The following PRH1 variants were observed in gnomAD, a reference collection of about 807,000 sequenced individuals.
PRH1 encodes the protein salivary acidic proline-rich phosphoprotein 1/2.
PRH1 carries 7 observed loss-of-function variants against 7.9 expected under a neutral mutation model. The observed-to-expected ratio is 0.89, with a 90% confidence interval of 0.50 to 1.67. PRH1 has a LOEUF of 1.67. PRH1 is among the 40% of genes most tolerant of loss of function. PRH1 has a pLI of 0.00. For synonymous variants in PRH1, 45 were observed against 80.8 expected (o/e 0.56, Z 2.38); for missense variants, 109 against 223.6 (o/e 0.49, Z 3.27).
chr12:11,009,243 T>G (rs1940964862), intron 1 of PRH1, among the ~76,000 whole-genome samples: 1 of 151,944 alleles, frequency 6.6e-6, no homozygotes, highest in Admixed American at 6.6e-5. Context: ...ATTCCCGCTT[T>G]CATATTTTCT....
chr12:10,946,902 A>C (rs1950496170), intron 2 of PRH1, among the ~76,000 whole-genome samples: 2 of 152,178 alleles, frequency 1.3e-5, no homozygotes, highest in South Asian at 4.1e-4. Context: ...AAAGTCATCC[A>C]GGAGCATGAT....
At chr12:11,136,559 C>T (rs1409787801) in intron 1 of PRH1, among the ~76,000 whole-genome samples, 1 of 152,124 alleles carries the variant, frequency 6.6e-6, no homozygotes, top group Non-Finnish European at 1.5e-5. Context: ...TAAATTTACT[C>T]CTGTCACCTT....
upstream of PRH1, chr12:10,884,316 C>T: frequency 6.6e-7 from 1 of 1,522,768 alleles, no homozygotes; most frequent in Non-Finnish European, 9.1e-7. Context: ...TTTGAGCTCC[C>T]TACCAGGTGG....
intron 2 of PRH1, among the ~76,000 whole-genome samples, chr12:10,942,677 C>G (rs1387502511): frequency 6.6e-6 from 1 of 152,194 alleles, no homozygotes. Context: ...CTTCCCCTGC[C>G]TATTTAGTCT....
intron 2 of PRH1, among the ~76,000 whole-genome samples, chr12:10,972,932 A>AACCCCCCCCCCC (rs1938893473): frequency 1.3e-5 from 1 of 79,026 alleles, no homozygotes; most frequent in Non-Finnish European, 2.6e-5. Context: ...ACCACAACCC[A>AACCCCCCCCCCC]CCCCCCCCGC....
intron 1 of PRH1, among the ~76,000 whole-genome samples, chr12:11,161,025 T>C (rs1327583840): frequency 6.6e-6 from 1 of 152,170 alleles, no homozygotes; most frequent in African/African-American, 2.4e-5. Context: ...ACAGATGCAA[T>C]GTGACTAAAA....
At chr12:11,079,486 A>G (rs1163307481) in intron 1 of PRH1, among the ~76,000 whole-genome samples, 2 of 118,572 alleles carry the variant, frequency 1.7e-5, no homozygotes, top group African/African-American at 2.8e-5. Context: ...TCCAGTCACC[A>G]GAGCCATCCA....
intron 2 of PRH1, among the ~76,000 whole-genome samples, chr12:10,944,318 G>T (rs1281009493): frequency 6.6e-6 from 1 of 151,970 alleles, no homozygotes; most frequent in Non-Finnish European, 1.5e-5. Context: ...GTATTCCTAG[G>T]TATTTTTTGT....
intron 2 of PRH1, chr12:10,929,137 C>A: frequency 9.7e-7 from 1 of 1,030,178 alleles, no homozygotes; most frequent in Non-Finnish European, 1.5e-6. Context: ...GTAAGCAAAG[C>A]AGAACCCAGT....
At chr12:11,132,853 T>C (rs1946403495) in intron 1 of PRH1, 1 of 146,384 alleles carries the variant, frequency 6.8e-6, no homozygotes, top group Admixed American at 7.1e-5. Context: ...CAAAAAGTTA[T>C]AGGTTAAAAC....
downstream of PRH1, among the ~76,000 whole-genome samples, chr12:11,120,352 G>A (rs957880694): frequency 6.6e-5 from 10 of 152,164 alleles, no homozygotes; most frequent in African/African-American, 2.4e-4. Context: ...GTGGTGTAGG[G>A]ACCAGACAAA....
At chr12:11,062,017 T>C (rs1943628213) in intron 1 of PRH1, 2 of 1,613,790 alleles carry the variant, frequency 1.2e-6, no homozygotes, top group African/African-American at 1.3e-5. Context: ...GTTGCTGAAA[T>C]GGTTGATTAC....
Position 11,077,712 on chromosome 12 carries a change from C to G in PRH1, n.124-30524G>C, listed in dbSNP as rs1180887603. 9 of 1,162,778 alleles carry G rather than the reference C, an allele frequency of 7.7e-6. 1 individual carries two copies. The highest frequency in any genetic ancestry group is 2.1e-5 in the Admixed American group (1 of 47,020). 72.0% of individuals were successfully genotyped at this position (1,162,778 alleles called of 1,614,324 possible). The stretch of plus-strand genomic sequence containing the variant: ...TGAGGTTTGCTAGTGTGCTTACAGT[C>G]AAGTTTGAAAGGTGTATTGCATTCC... On this transcript the variant is annotated intron_variant and non_coding_transcript_variant, in intron 1 of 4. Coordinates refer to the PRH1 transcript ENST00000541977.
intron 2 of PRH1, among the ~76,000 whole-genome samples, chr12:10,910,321 A>G (rs1050606975): frequency 6.6e-6 from 1 of 152,228 alleles, no homozygotes; most frequent in Non-Finnish European, 1.5e-5. Context: ...CAATTAAAAC[A>G]ATATACTATA....
At chr12:10,891,973 T>C (rs1949580052) in intron 2 of PRH1, 1 of 152,232 alleles carries the variant, frequency 6.6e-6, no homozygotes, top group Admixed American at 6.5e-5. Flanking sequence ...TAAACAAATC[T>C]GCCTTCTGAC....
At chr12:10,954,442 G>A (rs1246108556) in intron 2 of PRH1, among the ~76,000 whole-genome samples, 10 of 149,970 alleles carry the variant, frequency 6.7e-5, no homozygotes, top group Admixed American at 6.6e-4. Flanking sequence ...GAAAATAGAA[G>A]CAGGGTTGCT....
chr12:11,078,448 A>T (rs1944381998), intron 1 of PRH1: 1 of 54,204 alleles, frequency 1.8e-5, no homozygotes, highest in East Asian at 3.0e-4. Flanking sequence ...GAAATAGAAA[A>T]TATTGTTATT....
chr12:10,918,223 A>T (rs1949999228), intron 2 of PRH1, among the ~76,000 whole-genome samples: 1 of 152,060 alleles, frequency 6.6e-6, no homozygotes, highest in South Asian at 2.1e-4. Flanking sequence ...ATGTTGGGGC[A>T]GGACGGGGGT....
intron 1 of PRH1, among the ~76,000 whole-genome samples, chr12:11,068,116 C>T (rs934224516): frequency 3.4e-5 from 5 of 148,236 alleles, no homozygotes; most frequent in African/African-American, 7.3e-5. Flanking sequence ...ACATTAACAT[C>T]GATGTTACCA....
Sources: allele counts gnomAD v4.1 joint callset (sites outside exome capture counted in the v4.1 genomes callset), GRCh38; gene constraint gnomAD v4.1.1; transcripts MANE v1.5; gene names NCBI Gene and HGNC (gene_info 2026-07-23, HGNC 2026-07-21).